The following PGBD2 variants were observed in gnomAD, a reference collection of about 807,000 sequenced individuals.
PGBD2 encodes the protein piggyBac transposable element derived 2, also known as piggyBac transposable element-derived protein 2.
In PGBD2, 6 loss-of-function variants were observed where a neutral mutation model predicts 8.1. The observed-to-expected ratio is 0.74, with a 90% CI of 0.40 to 1.46. The LOEUF is 1.46. Among genes scored for constraint, PGBD2 ranks in the 40% most tolerant of loss-of-function variants. PGBD2 has a pLI of 0.02. For synonymous variants in PGBD2, 318 were observed against 272.2 expected, an observed-to-expected ratio of 1.17 and a Z score of -1.66; for missense variants, 802 against 739.0, an observed-to-expected ratio of 1.09 and a Z score of -0.99.
the PGBD2 span, among the ~76,000 whole-genome samples, chr1:248,893,679 T>C: frequency 6.6e-6 from 1 of 152,248 alleles, no homozygotes; most frequent in Admixed American, 6.5e-5. Context: ...TTGGCTATTG[T>C]GGATAATGCT....
At chr1:248,896,357 A>G in the PGBD2 span, among the ~76,000 whole-genome samples, 22 of 152,154 alleles carry the variant, frequency 1.4e-4, no homozygotes, top group Non-Finnish European at 2.9e-4. Flanking sequence ...ATCTTTTCAT[A>G]TATACATATA....
At chr1:248,925,570 CTTTTTTT>C in the PGBD2 span, among the ~76,000 whole-genome samples, 1 of 133,070 alleles carries the variant, frequency 7.5e-6, no homozygotes. Flanking sequence ...GCTACCATGA[CTTTTTTT>C]TTTTTTTTTT....
At chr1:248,910,730 A>G (rs1233915520) in intron 1 of PGBD2, among the ~76,000 whole-genome samples, 1 of 152,108 alleles carries the variant, frequency 6.6e-6, no homozygotes, top group Non-Finnish European at 1.5e-5. Flanking sequence ...ACAATCACAC[A>G]CTTGGATTTA....
intron 1 of PGBD2, among the ~76,000 whole-genome samples, chr1:248,911,669 G>C (rs1443270115): frequency 6.7e-6 from 1 of 148,996 alleles, no homozygotes. Flanking sequence ...CGGGCAGAGG[G>C]GCTCCTCACT....
At chr1:248,892,373 A>G in the PGBD2 span, among the ~76,000 whole-genome samples, 1 of 150,978 alleles carries the variant, frequency 6.6e-6, no homozygotes, top group Non-Finnish European at 1.5e-5. Flanking sequence ...TTCTACCCTG[A>G]CGATGTAACG....
chr1:248,917,948 T>A lies in PGBD2; in HGVS notation c.1364T>A (p.Leu455Gln). 1 of 1,614,190 alleles carries A rather than the reference T, an allele frequency of 6.2e-7. No homozygotes were observed. Among genetic ancestry groups the A allele is most frequent in the Admixed American group, 1.7e-5 (1 of 60,016 alleles). Residue 455 changes from leucine (L) to glutamine (Q), a missense_variant, in exon 3 of 3, where the codon CTG becomes CAG. By Grantham distance (113) the Leu-to-Gln change is moderately radical. Coordinates refer to ENST00000329291, the MANE Select transcript of PGBD2 (RefSeq NM_170725.3). ...TQVHQPSLVK[L>Q]YQEKVGGVGR... is the part of the protein sequence containing the mutation. ...GTCCACCAGCCATCACTGGTGAAGC[T>A]GTATCAGGAGAAGGTGGGTGGCGTT...
At chr1:248,914,196 C>T (rs140596348) in intron 2 of PGBD2, among the ~76,000 whole-genome samples, 2 of 152,334 alleles carry the variant, frequency 1.3e-5, no homozygotes, top group East Asian at 3.9e-4. Context: ...CAGGGTTTCT[C>T]ATGCCTGGGG....
chr1:248,919,481 A>C (rs1287779149), downstream of PGBD2: 1 of 166,952 alleles, frequency 6.0e-6, no homozygotes, highest in South Asian at 2.1e-4. Context: ...TTCTTTATCC[A>C]TTCTTCTGTT....
chr1:248,902,653 A>C (rs1227689122), upstream of PGBD2, among the ~76,000 whole-genome samples: 2 of 152,256 alleles, frequency 1.3e-5, no homozygotes, highest in Non-Finnish European at 2.9e-5. Context: ...ACAACATGGA[A>C]TACTATGTAG....
At chr1:248,909,944 G>A (rs1402990627) in intron 1 of PGBD2, among the ~76,000 whole-genome samples, 8 of 152,242 alleles carry the variant, frequency 5.3e-5, no homozygotes, top group East Asian at 3.8e-4. Flanking sequence ...TGGTTGGCAA[G>A]TTCTTGGTAG....
chr1:248,902,810 A>G (rs547578964), upstream of PGBD2, among the ~76,000 whole-genome samples: 1 of 146,838 alleles, frequency 6.8e-6, no homozygotes, highest in South Asian at 2.4e-4. Context: ...GAACACACAG[A>G]TGGGGCAGTG....
upstream of PGBD2, among the ~76,000 whole-genome samples, chr1:248,904,219 T>C (rs1156848323): frequency 6.6e-6 from 1 of 152,134 alleles, no homozygotes; most frequent in Non-Finnish European, 1.5e-5. Context: ...AGCCTATTTC[T>C]CAATTAAAGA....
the PGBD2 span, among the ~76,000 whole-genome samples, chr1:248,930,001 G>T: frequency 6.6e-6 from 1 of 152,224 alleles, no homozygotes; most frequent in African/African-American, 2.4e-5. Flanking sequence ...TGACCTGGGA[G>T]ATGTGGCTGC....
At chr1:248,906,558 G>T (rs982463766) in intron 1 of PGBD2, 22 of 149,812 alleles carry the variant, frequency 1.5e-4, no homozygotes, top group African/African-American at 4.4e-4. Context: ...GCCGGAGGCC[G>T]GGCCGGCTGA....
chr1:248,907,817 T>C (rs976418201), intron 1 of PGBD2, among the ~76,000 whole-genome samples: 2 of 152,212 alleles, frequency 1.3e-5, no homozygotes, highest in Non-Finnish European at 2.9e-5. Context: ...GGCAAAGCAA[T>C]TGTTCAAGGT....
chr1:248,900,097 CA>C, the PGBD2 span, among the ~76,000 whole-genome samples: 2,827 of 49,446 alleles, frequency 0.057, 59 homozygotes, highest in South Asian at 0.13. Context: ...AATAGCCTAC[CA>C]AAAAAAAAAA....
At chr1:248,907,620 T>G (rs1000864583) in intron 1 of PGBD2, among the ~76,000 whole-genome samples, 7 of 152,172 alleles carry the variant, frequency 4.6e-5, no homozygotes, top group East Asian at 1.9e-4. Flanking sequence ...TTGCGCCCCT[T>G]GTTTATTGAG....
At chr1:248,927,829 A>G in the PGBD2 span, among the ~76,000 whole-genome samples, 1 of 152,194 alleles carries the variant, frequency 6.6e-6, no homozygotes, top group South Asian at 2.1e-4. Flanking sequence ...AAATAGATAG[A>G]TGATAGGCAG....
At chr1:248,913,009 T>C (rs1009543767) in intron 1 of PGBD2, among the ~76,000 whole-genome samples, 7 of 151,710 alleles carry the variant, frequency 4.6e-5, no homozygotes, top group Admixed American at 6.6e-5. Flanking sequence ...TCCATGTTGG[T>C]CAGGCTGGTC....
Sources: gnomAD v4.1 joint callset for allele counts (sites outside exome capture counted in the v4.1 genomes callset) on GRCh38, gnomAD v4.1.1 for gene constraint, MANE v1.5 for transcripts, NCBI Gene and HGNC (gene_info 2026-07-23, HGNC 2026-07-21) for gene names.